LDAH: variants seen among roughly 807,000 people sequenced by gnomAD.
LDAH encodes the protein lipid droplet-associated hydrolase.
In LDAH, 26 loss-of-function variants were observed where a neutral mutation model predicts 29.6. The observed-to-expected ratio is 0.88, with a 90% CI of 0.64 to 1.22. LDAH has a LOEUF of 1.22. Among genes scored for constraint, LDAH ranks in the 50% most tolerant of loss-of-function variants. The pLI, the probability that LDAH is intolerant of heterozygous loss-of-function variation, is 0.00. For missense variants in LDAH, 344 were observed against 387.3 expected, an observed-to-expected ratio of 0.89 and a Z score of 0.94; for synonymous variants, 117 against 133.0, an observed-to-expected ratio of 0.88 and a Z score of 0.83.
intron 3 of LDAH, among the ~76,000 whole-genome samples, chr2:20,779,603 A>C (rs771642944): frequency 9.2e-5 from 14 of 152,050 alleles, no homozygotes; most frequent in Non-Finnish European, 1.9e-4. Flanking sequence ...TGAAATATTT[A>C]CTCTAAATTC....
chr2:20,744,527 G>C (rs1667437105), intron 4 of LDAH, among the ~76,000 whole-genome samples: 1 of 152,104 alleles, frequency 6.6e-6, no homozygotes. Context: ...CAGAAGGTTA[G>C]AGCTGACAAG....
At chr2:20,778,067 T>C (rs1386255489) in intron 3 of LDAH, among the ~76,000 whole-genome samples, 2 of 152,170 alleles carry the variant, frequency 1.3e-5, no homozygotes, top group Non-Finnish European at 2.9e-5. Flanking sequence ...ATCCACCATA[T>C]TGTTACCAAT....
Position 20,814,232 on chromosome 2 carries a change from G to T in LDAH, c.-3+8805C>A, listed in dbSNP as rs79933366. Among the ~76,000 whole-genome samples, 5 of 101,868 alleles carry T rather than the reference G, an allele frequency of 4.9e-5. No individual in the cohort carries two copies. In the South Asian group the frequency reaches 1.1e-3, roughly 23 times the overall value. The allele number at this position is 101,868 out of a possible 152,430, so 66.8% of individuals were successfully genotyped here. On this transcript the variant is annotated intron_variant, in intron 1 of 6. Coordinates refer to ENST00000237822, the MANE Select transcript of LDAH (RefSeq NM_021925.4). The stretch of plus-strand genomic sequence containing the variant: ...ATACTGTCAGTGAGTCTGACAATGG[G>T]GGGGGGGGGTCCATGGTTTATTTTT...
chr2:20,764,061 G>A (rs1668862079), intron 4 of LDAH, among the ~76,000 whole-genome samples: 1 of 151,882 alleles, frequency 6.6e-6, no homozygotes, highest in Non-Finnish European at 1.5e-5. Flanking sequence ...CACTTTGAAA[G>A]CAATTTCAGG....
intron 3 of LDAH, among the ~76,000 whole-genome samples, chr2:20,782,115 A>G (rs530062227): frequency 6.6e-6 from 1 of 152,188 alleles, no homozygotes; most frequent in Non-Finnish European, 1.5e-5. Flanking sequence ...GTGGTCCCGA[A>G]AATGTGGTCC....
chr2:20,726,743 G>T (rs977623196), intron 5 of LDAH, among the ~76,000 whole-genome samples: 1 of 152,144 alleles, frequency 6.6e-6, no homozygotes, highest in Non-Finnish European at 1.5e-5. Flanking sequence ...TATAAGCCAG[G>T]ACTGTGGTCA....
At chr2:20,789,008 A>G (rs1670750556) in intron 3 of LDAH, 2 of 961,526 alleles carry the variant, frequency 2.1e-6, no homozygotes, top group Non-Finnish European at 3.1e-6. Flanking sequence ...TCCAGCTCTC[A>G]AAGTCCCTCT....
At chr2:20,703,912 C>G (rs1399973428) in intron 5 of LDAH, among the ~76,000 whole-genome samples, 2 of 152,202 alleles carry the variant, frequency 1.3e-5, no homozygotes, top group Non-Finnish European at 2.9e-5. Context: ...AAGACAGAAA[C>G]ACTATTCTTG....
At chr2:20,811,369 A>G (rs1672483868) in intron 1 of LDAH, among the ~76,000 whole-genome samples, 2 of 146,024 alleles carry the variant, frequency 1.4e-5, no homozygotes, top group Non-Finnish European at 2.9e-5. Context: ...TGATCCTACT[A>G]ATCTCTCTCA....
chr2:20,724,301 T>C (rs1665866191), intron 5 of LDAH, among the ~76,000 whole-genome samples: 1 of 152,242 alleles, frequency 6.6e-6, no homozygotes. Context: ...GTATCTGATT[T>C]ATGATAGCCC....
intron 5 of LDAH, among the ~76,000 whole-genome samples, chr2:20,708,084 A>G (rs1321244618): frequency 6.6e-6 from 1 of 152,164 alleles, no homozygotes; most frequent in African/African-American, 2.4e-5. Flanking sequence ...CCACTTTTCT[A>G]CATTATGGTG....
chr2:20,771,803 T>TTTAA (rs1669452327), intron 4 of LDAH, among the ~76,000 whole-genome samples: 1 of 133,480 alleles, frequency 7.5e-6, no homozygotes, highest in African/African-American at 3.7e-5. Flanking sequence ...TTACACCCTT[T>TTTAA]GGACAATTTA....
rs527688238 is a variant in LDAH, at chr2:20,795,733, AAAAAG to A, written c.155-5340_155-5336del. Reference sequence around the variant, plus strand: ...TGCATCCATTAAACATCAGACTACAAAAAAGAAAAGAAAACTCACAATTATCATTA... The same window carrying A: ...TGCATCCATTAAACATCAGACTACAAAAAAGAAAACTCACAATTATCATTA... On this transcript the variant is annotated intron_variant, in intron 2 of 6. Coordinates refer to ENST00000237822, the MANE Select transcript of LDAH (RefSeq NM_021925.4). 3.9e-5 allele frequency among the ~76,000 whole-genome samples: 6 copies of A among 152,346 alleles called. No homozygotes were observed. The South Asian group carries it at 1.0e-3, about 26-fold the overall frequency.
At chr2:20,801,219 T>A in intron 2 of LDAH, 91 bp downstream of exon 2, 1 of 1,362,192 alleles carries the variant, frequency 7.3e-7, no homozygotes, top group East Asian at 2.3e-5. Context: ...TCTCCAAGGT[T>A]TTCCATATTT....
At chr2:20,765,903 T>C (rs1669000441) in intron 4 of LDAH, among the ~76,000 whole-genome samples, 1 of 152,166 alleles carries the variant, frequency 6.6e-6, no homozygotes, top group South Asian at 2.1e-4. Flanking sequence ...GTAAGTCACA[T>C]GCTTGGCCTA....
In LDAH at chr2:20,684,550, G is replaced by T. The variant is rs986220729; in HGVS notation, c.*2353C>A. On this transcript the variant is annotated 3_prime_UTR_variant, in exon 7 of 7. Coordinates refer to ENST00000237822, the MANE Select transcript of LDAH (RefSeq NM_021925.4). ...CTACGGCACCCAGCCTGTTTGTTTT[G>T]AATATAATGTAGGATGAAGAAAAAT... 2 of 195,126 alleles carry T rather than the reference G, an allele frequency of 1.0e-5. No homozygotes were observed. The highest frequency in any genetic ancestry group is 2.1e-5 in the Non-Finnish European group (2 of 96,638). 12.1% of individuals were successfully genotyped at this position (195,126 alleles called of 1,614,324 possible).
At chr2:20,790,615 C>A (rs1306611033) in intron 2 of LDAH, among the ~76,000 whole-genome samples, 1 of 152,040 alleles carries the variant, frequency 6.6e-6, no homozygotes, top group African/African-American at 2.4e-5. Flanking sequence ...TGGAAGAAGT[C>A]TAAAATCAGT....
chr2:20,684,654 T>G lies in LDAH; in HGVS notation c.*2249A>C, dbSNP rs1662436439. 2.4e-6 allele frequency: 1 copy of G among 420,798 alleles called. No individual in the cohort carries two copies. Among genetic ancestry groups the G allele is most frequent in the South Asian group, 5.1e-5 (1 of 19,518 alleles). 26.1% of individuals were successfully genotyped at this position (420,798 alleles called of 1,614,324 possible). ...GAGAGGCCCTTGGTGGCCATGGACA[T>G]CAGGCCACACAAGCCACAGAGGGCT... is the stretch of plus-strand genomic sequence containing the variant. On this transcript the variant is annotated 3_prime_UTR_variant, in exon 7 of 7. Transcript: ENST00000237822.
chr2:20,701,719 T>G, intron 5 of LDAH, 67 bp from the exon 6 acceptor site: 1 of 1,402,236 alleles, frequency 7.1e-7, no homozygotes, highest in Middle Eastern at 1.8e-4. Context: ...TCAAATTAAT[T>G]TTAGTAAATT....
Sources: gnomAD v4.1 joint callset for allele counts (sites outside exome capture counted in the v4.1 genomes callset) on GRCh38, gnomAD v4.1.1 for gene constraint, MANE v1.5 for transcripts, NCBI Gene and HGNC (gene_info 2026-07-23, HGNC 2026-07-21) for gene names.